Variants in SPATA1 observed in about 807,000 individuals in gnomAD.
The protein encoded by SPATA1 is spermatogenesis-associated protein 1.
A neutral mutation model predicts 59.6 loss-of-function variants in SPATA1; 57 were observed. That is an observed-to-expected ratio of 0.96 (90% CI 0.77 to 1.19). The LOEUF (loss-of-function observed/expected upper bound fraction) is 1.19. Ranked by LOEUF, SPATA1 falls within the 50% of genes most tolerant of loss-of-function variation. The probability of loss-of-function intolerance (pLI) is 0.00; values close to 1 mark genes in which losing one functional copy is unlikely to be tolerated. For missense variants in SPATA1, 448 were observed against 480.7 expected (o/e 0.93, Z 0.64); for synonymous variants, 147 against 163.9 (o/e 0.90, Z 0.79).
chr1:84,561,094 C>T (rs568392498), intron 4 of SPATA1, among the ~76,000 whole-genome samples: 2 of 152,286 alleles, frequency 1.3e-5, no homozygotes, highest in South Asian at 4.1e-4. Flanking sequence ...ACAGTAACTC[C>T]TTTCATGGAT....
intron 2 of SPATA1, among the ~76,000 whole-genome samples, chr1:84,516,932 T>C (rs1416242839): frequency 6.6e-6 from 1 of 152,166 alleles, no homozygotes; most frequent in Non-Finnish European, 1.5e-5. Flanking sequence ...TATCTGCCAC[T>C]CATTAATTCA....
chr1:84,561,233 T>C (rs1684589246), intron 4 of SPATA1, among the ~76,000 whole-genome samples: 1 of 152,146 alleles, frequency 6.6e-6, no homozygotes, highest in African/African-American at 2.4e-5. Context: ...AGAAGTGGGT[T>C]ACAACCCTCA....
At chr1:84,529,886 T>C (rs1358166734) in intron 6 of SPATA1, among the ~76,000 whole-genome samples, 1 of 148,370 alleles carries the variant, frequency 6.7e-6, no homozygotes, top group Non-Finnish European at 1.5e-5. Flanking sequence ...AGACCGAGTC[T>C]CGCTCTGTCA....
At chr1:84,560,230 A>G (rs1230623771) in intron 4 of SPATA1, among the ~76,000 whole-genome samples, 2 of 152,162 alleles carry the variant, frequency 1.3e-5, no homozygotes, top group Non-Finnish European at 2.9e-5. Context: ...TAAAGTCTAA[A>G]AATGTTACTC....
At chr1:84,554,754 A>G, downstream of SPATA1, 1 of 343,258 alleles carries the variant, frequency 2.9e-6, no homozygotes, top group Non-Finnish European at 5.3e-6. Flanking sequence ...CAATTAAATT[A>G]TAGTGTTGAA....
At chr1:84,565,996 G>T in exon 5 of SPATA1, 1 of 1,551,694 alleles carries the variant, frequency 6.4e-7, no homozygotes, top group Non-Finnish European at 8.7e-7. Flanking sequence ...TGGAGACCAA[G>T]CTACATCAAA....
intron 3 of SPATA1, among the ~76,000 whole-genome samples, chr1:84,521,581 T>G (rs1445774812): frequency 2.6e-5 from 4 of 152,186 alleles, no homozygotes; most frequent in African/African-American, 7.2e-5. Flanking sequence ...TCTGTGGATA[T>G]TCTCTAATCA....
intron 1 of SPATA1, among the ~76,000 whole-genome samples, chr1:84,511,456 C>G (rs146115752): frequency 6.6e-6 from 1 of 152,246 alleles, no homozygotes; most frequent in East Asian, 1.9e-4. Flanking sequence ...TTTGTCAACA[C>G]TAGGACGTGT....
intron 2 of SPATA1, among the ~76,000 whole-genome samples, chr1:84,517,649 T>C (rs1682853808): frequency 6.6e-6 from 1 of 152,094 alleles, no homozygotes; most frequent in African/African-American, 2.4e-5. Flanking sequence ...TCTTCTTGCA[T>C]ACTTGAGTCT....
intron 9 of SPATA1, 134 bp from the exon 10 acceptor site, chr1:84,545,500 A>G (rs543175867): frequency 2.3e-5 from 23 of 985,524 alleles, no homozygotes; most frequent in Non-Finnish European, 3.1e-5. Context: ...GCTATACTGT[A>G]GCAAGAAAAA....
intron 4 of SPATA1, among the ~76,000 whole-genome samples, chr1:84,524,515 G>A (rs969656586): frequency 1.3e-5 from 2 of 152,160 alleles, no homozygotes; most frequent in African/African-American, 2.4e-5. Context: ...GTTCAGGCAA[G>A]AGATAATAAG....
chr1:84,565,160 C>A (rs1684667108), intron 4 of SPATA1, among the ~76,000 whole-genome samples: 1 of 151,996 alleles, frequency 6.6e-6, no homozygotes, highest in Non-Finnish European at 1.5e-5. Context: ...GATCGTGCCA[C>A]TGCACTCCAG....
intron 10 of SPATA1, among the ~76,000 whole-genome samples, chr1:84,548,459 A>G (rs1022402444): frequency 6.7e-6 from 1 of 148,418 alleles, no homozygotes; most frequent in African/African-American, 2.4e-5. Context: ...ATTACTATAT[A>G]TAACAAGTAT....
intron 4 of SPATA1, chr1:84,563,243 A>G: frequency 1.4e-6 from 2 of 1,441,650 alleles, no homozygotes; most frequent in Middle Eastern, 2.4e-4. Context: ...CTCATAACTT[A>G]CGAAAAGTCT....
At chr1:84,547,864 G>C (rs867022239) in intron 10 of SPATA1, among the ~76,000 whole-genome samples, 8 of 152,120 alleles carry the variant, frequency 5.3e-5, no homozygotes, top group Admixed American at 1.3e-4. Flanking sequence ...TTGAGCTAGG[G>C]ATTTATATGA....
exon 2 of SPATA1, chr1:84,516,356 G>GATATT (rs1402175790): frequency 1.3e-6 from 2 of 1,524,614 alleles, no homozygotes; most frequent in South Asian, 2.7e-5. Flanking sequence ...AGACATTAGT[G>GATATT]AATATGTCAC....
chr1:84,563,819 G>A (rs777433059), intron 4 of SPATA1: 5 of 1,606,664 alleles, frequency 3.1e-6, no homozygotes, highest in South Asian at 1.1e-5. Flanking sequence ...TCATCTTGAT[G>A]TAGTCATTAT....
At chr1:84,510,421 G>C (rs370660904) in intron 1 of SPATA1, among the ~76,000 whole-genome samples, 1 of 152,160 alleles carries the variant, frequency 6.6e-6, no homozygotes, top group Non-Finnish European at 1.5e-5. Flanking sequence ...CAACATCACC[G>C]ATCATCAGGA....
At chr1:84,533,118 GA>G (rs1439361739) in intron 7 of SPATA1, 144 bp downstream of exon 7, 6 of 573,374 alleles carry the variant, frequency 1.0e-5, no homozygotes, top group Non-Finnish European at 1.8e-5. Flanking sequence ...CCTTGATTCA[GA>G]TCTTTACTGT....
Sources: gnomAD v4.1 joint callset for allele counts (sites outside exome capture counted in the v4.1 genomes callset) on GRCh38, gnomAD v4.1.1 for gene constraint, MANE v1.5 for transcripts, NCBI Gene and HGNC (gene_info 2026-07-23, HGNC 2026-07-21) for gene names.